STARD9: variants seen among roughly 807,000 people sequenced by gnomAD.
STARD9 encodes the protein StAR related lipid transfer domain containing 9.
In STARD9, 346 loss-of-function variants were observed where a neutral mutation model predicts 399.8. That is an observed-to-expected ratio of 0.87 (90% confidence interval 0.79 to 0.95). The LOEUF is 0.95. Among genes scored for constraint, STARD9 ranks in the 40% least tolerant of loss-of-function variants. The pLI, the probability that STARD9 is intolerant of heterozygous loss-of-function variation, is 0.00. For missense variants in STARD9, 5,832 were observed against 5,667.5 expected (o/e 1.03, Z -0.93); for synonymous variants, 2,203 against 2,143.5 (o/e 1.03, Z -0.77).
chr15:42,687,484 C>T lies in STARD9; in HGVS notation c.5906C>T (p.Thr1969Ile). Residue 1969 changes from threonine to isoleucine, a missense_variant, in exon 23 of 33, where the codon ACC becomes ATC. Around this residue, in one of 2 missense-constraint regions of STARD9, gnomAD observed 5,828 missense variants for 5,651.1 expected, o/e 1.03. Coordinates refer to ENST00000290607, the MANE Select transcript of STARD9 (RefSeq NM_020759.3). ...PVMVAQGGGP[T>I]PKWEGKNETG... ...ATGGTGGCCCAGGGTGGTGGCCCAA[C>T]CCCTAAGTGGGAAGGGAAAAATGAA... The T allele has an allele frequency of 6.5e-7, 1 of 1,537,168 alleles. No individual in the cohort carries two copies. Among genetic ancestry groups the T allele is most frequent in the Non-Finnish European group, 8.7e-7 (1 of 1,146,910 alleles).
At chr15:42,658,058 G>A (rs560821527) in intron 9 of STARD9, among the ~76,000 whole-genome samples, 6 of 152,318 alleles carry the variant, frequency 3.9e-5, no homozygotes, top group African/African-American at 7.2e-5. Context: ...TTGATTAGGC[G>A]AAGGTTTTAT....
At position 42,689,165 on chromosome 15, in the gene STARD9, G is replaced by A. The variant is rs772135725; in HGVS notation, c.7587G>A (p.Pro2529=). The A allele has an allele frequency of 1.0e-5, 16 of 1,537,144 alleles. No homozygotes were observed. Among genetic ancestry groups the A allele is most frequent in the Admixed American group, 2.0e-5 (1 of 50,980 alleles). ...TTTCCTTAGCACCTGTTTCCCTGCCGAGGGTGCCCAGTCCAGAGCCTAGGC... is the reference window on the plus strand; with the variant it reads ...TTTCCTTAGCACCTGTTTCCCTGCCAAGGGTGCCCAGTCCAGAGCCTAGGC... ...SGVSLAPVSL[P]RVPSPEPRLL... The change falls in exon 23 of 33, where the codon CCG becomes CCA. Residue 2529 remains proline (P), a synonymous_variant. Coordinates refer to ENST00000290607, the MANE Select transcript of STARD9 (RefSeq NM_020759.3).
At chr15:42,656,311 C>A in intron 9 of STARD9, among the ~76,000 whole-genome samples, 1 of 122,756 alleles carries the variant, frequency 8.1e-6, no homozygotes, top group African/African-American at 3.2e-5. Flanking sequence ...CATGCCACTG[C>A]ACTCCAGCCA....
chr15:42,600,328 G>A (rs1314251040), intron 3 of STARD9, among the ~76,000 whole-genome samples: 2 of 152,156 alleles, frequency 1.3e-5, no homozygotes, highest in African/African-American at 4.8e-5. Flanking sequence ...ATTTGGAGGA[G>A]CTATGAGGAC....
Position 42,618,216 on chromosome 15 carries a change from T to C in STARD9, c.235-16640T>C, listed in dbSNP as rs181581899. Among the ~76,000 whole-genome samples, 6 of 152,316 alleles carry C rather than the reference T, an allele frequency of 3.9e-5. No individual in the cohort carries two copies. The East Asian group carries it at 1.2e-3, about 29-fold the overall frequency. On this transcript the variant is annotated intron_variant, in intron 3 of 32. Coordinates refer to ENST00000290607, the MANE Select transcript of STARD9 (RefSeq NM_020759.3). ...GGTGTGATCATAGCTCACTGCATTC[T>C]TGACCTCCTGAGCTCAATTGATCCT...
chr15:42,644,003 C>T (rs956922459), intron 7 of STARD9, among the ~76,000 whole-genome samples: 4 of 152,056 alleles, frequency 2.6e-5, no homozygotes, highest in Admixed American at 2.6e-4. Context: ...AGAACATGCT[C>T]CACATAATTT....
intron 1 of STARD9, among the ~76,000 whole-genome samples, chr15:42,583,052 G>A (rs928232200): frequency 3.3e-5 from 5 of 152,196 alleles, no homozygotes; most frequent in African/African-American, 1.2e-4. Flanking sequence ...AGGAGGATAC[G>A]TAGGAGGATA....
chr15:42,634,967 AC>A lies in STARD9; in HGVS notation c.350del (p.Pro117GlnfsTer6). The A allele has an allele frequency of 1.3e-6, 2 of 1,523,862 alleles. No homozygotes were observed. Among genetic ancestry groups the A allele is most frequent in the South Asian group, 2.4e-5 (2 of 83,374 alleles). The allele number at this position is 1,523,862 out of a possible 1,614,324, so 94.4% of individuals were successfully genotyped here. On this transcript the variant is annotated frameshift_variant, in exon 4 of 33. Transcript: ENST00000290607. LOFTEE classifies it high-confidence loss of function. ...TGGGAAGACATATACCATGCTGGGG[AC>A]CCCAGTGAGTATTACAATGATATAT... ...GSGKTYTMLG[T>X]PASVGLTPRI...
chr15:42,690,401 C>T lies in STARD9; in HGVS notation c.8823C>T (p.Ser2941=). 1 of 1,537,224 alleles carries T rather than the reference C, an allele frequency of 6.5e-7. No homozygotes were observed. Among genetic ancestry groups the T allele is most frequent in the Non-Finnish European group, 8.7e-7 (1 of 1,146,892 alleles). ...ACCCTGAAGGCAGCAGGACTCTCAG[C>T]CCGTCTAGAGGGAAAGAGAGCAGAA... is the stretch of plus-strand genomic sequence containing the variant. ...SRNPEGSRTL[S]PSRGKESRTL... The change falls in exon 23 of 33, where the codon AGC becomes AGT. Residue 2941 remains serine (S), a synonymous_variant. Coordinates refer to ENST00000290607, the MANE Select transcript of STARD9 (RefSeq NM_020759.3).
rs1415498735 is a variant in STARD9, at chr15:42,692,974, A to C, written c.11396A>C (p.Tyr3799Ser). 1.3e-6 allele frequency: 2 copies of C among 1,537,084 alleles called. No homozygotes were observed. The highest frequency in any genetic ancestry group is 2.7e-5 in the African/African-American group (2 of 73,024). Residue 3799 changes from tyrosine to serine, a missense_variant, in exon 23 of 33, where the codon TAT (tyrosine) becomes TCT (serine). This residue lies in a region of STARD9 where 5,828 missense variants were observed against 5,651.1 expected (regional missense o/e 1.03). Transcript: ENST00000290607. ...ETAQKMAQLL[Y>S]LQEESTPYKP... ...GCACAGAAAATGGCTCAGCTCCTCT[A>C]TCTTCAGGAAGAAAGCACTCCCTAC...
chr15:42,675,384 T>C (rs2060288926), intron 18 of STARD9: 4 of 490,398 alleles, frequency 8.2e-6, no homozygotes, highest in African/African-American at 5.8e-5. Context: ...GTCTGTTCTT[T>C]TGAGACTGAG....
Position 42,688,761 on chromosome 15 carries a change from A to G in STARD9, c.7183A>G (p.Asn2395Asp), listed in dbSNP as rs1309622393. 6 of 1,537,568 alleles carry G rather than the reference A, an allele frequency of 3.9e-6. No homozygotes were observed. The Admixed American group carries it at 9.8e-5, about 25-fold the overall frequency. Residue 2395 changes from asparagine to aspartate, a missense_variant, in exon 23 of 33, where the codon AAT becomes GAT. By Grantham distance (23) the Asn-to-Asp change is conservative. Coordinates refer to ENST00000290607, the MANE Select transcript of STARD9 (RefSeq NM_020759.3). The stretch of plus-strand genomic sequence containing the variant: ...GACCAGAAGCCACAGCCCCGAAGGA[A>G]ATGTTAGAGGGCGTTCCTCTGAGGC... The part of the protein sequence containing the change: ...TETRSHSPEG[N>D]VRGRSSEAHT...
At position 42,688,000 on chromosome 15, in the gene STARD9, A is replaced by T. The variant is rs1486294383; in HGVS notation, c.6422A>T (p.His2141Leu). The T allele has an allele frequency of 5.2e-6, 8 of 1,537,426 alleles. No homozygotes were observed. The African/African-American group carries it at 9.6e-5, about 18-fold the overall frequency. The change falls in exon 23 of 33, where the codon CAT becomes CTT. Residue 2141 changes from histidine (H) to leucine (L), a missense_variant. Physicochemically the swap from His to Leu is moderately conservative, Grantham distance 99. Coordinates refer to ENST00000290607, the MANE Select transcript of STARD9 (RefSeq NM_020759.3). ...ATGGAGGTTAACAGCATTGGGAACC[A>T]TCCCCAGGTCCAGAAAATCACCCCA... is the stretch of plus-strand genomic sequence containing the variant. ...GAMEVNSIGN[H>L]PQVQKITPNP...
intron 1 of STARD9, among the ~76,000 whole-genome samples, chr15:42,579,474 T>A (rs2058124149): frequency 6.6e-6 from 1 of 152,182 alleles, no homozygotes; most frequent in Non-Finnish European, 1.5e-5. Flanking sequence ...AAAGGTCACT[T>A]CTCAGATAAG....
At chr15:42,630,998 T>TA (rs982355784) in intron 3 of STARD9, among the ~76,000 whole-genome samples, 1 of 151,582 alleles carries the variant, frequency 6.6e-6, no homozygotes, top group Non-Finnish European at 1.5e-5. Context: ...TTTTTTTAAT[T>TA]AAAAAAATAG....
rs2060531010 is a variant in STARD9, at chr15:42,685,488, G to A, written c.3910G>A (p.Glu1304Lys). 1 of 1,537,396 alleles carries A rather than the reference G, an allele frequency of 6.5e-7. No individual in the cohort carries two copies. Among genetic ancestry groups the A allele is most frequent in the Non-Finnish European group, 8.7e-7 (1 of 1,146,952 alleles). ...CCATTGTGAGCTCCAGCCCCATTGT[G>A]AGCAGGCTGAATCACAGGTAGAGCC... is the stretch of plus-strand genomic sequence containing the variant. ...QPHCELQPHC[E>K]QAESQVEPSY... Residue 1304 changes from glutamate to lysine, a missense_variant, in exon 23 of 33, where the codon GAG (glutamate) becomes AAG (lysine). Around this residue, in one of 2 missense-constraint regions of STARD9, gnomAD observed 5,828 missense variants for 5,651.1 expected, o/e 1.03. Transcript: ENST00000290607.
intron 7 of STARD9, among the ~76,000 whole-genome samples, chr15:42,640,271 G>A (rs1348532428): frequency 6.6e-6 from 1 of 152,158 alleles, no homozygotes; most frequent in South Asian, 2.1e-4. Flanking sequence ...ATCAAGAGCC[G>A]GTCTTTTCTC....
intron 32 of STARD9, among the ~76,000 whole-genome samples, chr15:42,719,260 C>T (rs577075859): frequency 6.6e-6 from 1 of 152,270 alleles, no homozygotes; most frequent in South Asian, 2.1e-4. Context: ...GTTCACCTCT[C>T]CCGTCCCAGT....
At chr15:42,606,183 ACT>A (rs2058718945) in intron 3 of STARD9, among the ~76,000 whole-genome samples, 2 of 152,144 alleles carry the variant, frequency 1.3e-5, no homozygotes, top group South Asian at 4.1e-4. Flanking sequence ...GTGGGTTAGT[ACT>A]CTGTTTTACA....
Sources: gnomAD v4.1 joint callset for allele counts (sites outside exome capture counted in the v4.1 genomes callset) on GRCh38, gnomAD v4.1.1 for gene constraint, gnomAD v4.1.1 regional missense constraint, MANE v1.5 for transcripts, NCBI Gene and HGNC (gene_info 2026-07-23, HGNC 2026-07-21) for gene names.